The following PDE11A variants were observed in gnomAD, a reference collection of about 807,000 sequenced individuals.
PDE11A encodes the protein phosphodiesterase 11A, also known as dual 3',5'-cyclic-AMP and -GMP phosphodiesterase 11A.
PDE11A carries 100 observed loss-of-function variants against 100.5 expected under a neutral mutation model. That is an observed-to-expected ratio of 1.00 (90% CI 0.85 to 1.18). PDE11A has a LOEUF of 1.18. Among genes scored for constraint, PDE11A ranks in the 50% most tolerant of loss-of-function variants. The probability of loss-of-function intolerance (pLI) is 0.00; values close to 1 mark genes in which losing one functional copy is unlikely to be tolerated. For missense variants in PDE11A, 1,141 were observed against 1,152.6 expected, an observed-to-expected ratio of 0.99 and a Z score of 0.15; for synonymous variants, 381 against 420.8, an observed-to-expected ratio of 0.91 and a Z score of 1.16.
intron 1 of PDE11A, among the ~76,000 whole-genome samples, chr2:178,036,454 A>G (rs2086615442): frequency 6.6e-6 from 1 of 152,222 alleles, no homozygotes; most frequent in Non-Finnish European, 1.5e-5. Flanking sequence ...GCCCAAAGTA[A>G]CGTATAGAGC....
chr2:177,701,144 C>T lies in PDE11A; in HGVS notation c.2221G>A (p.Ala741Thr), dbSNP rs144340688. Residue 741 changes from alanine to threonine, a missense_variant, in exon 14 of 20, where the codon GCC becomes ACC. Coordinates refer to ENST00000286063, the MANE Select transcript of PDE11A (RefSeq NM_016953.4). ...ACCTCACTTTGAAGGATCATCACGG[C>T]GTGGTTGAAATGGTGATGCTCCAAG... Reference protein sequence around the residue: ...ATLEHHHFNHAVMILQSEGHN... With the variant: ...ATLEHHHFNHTVMILQSEGHN... 36 of 1,601,158 alleles carry T rather than the reference C, an allele frequency of 2.2e-5. No individual in the cohort carries two copies. The highest frequency in any genetic ancestry group is 6.7e-5 in the African/African-American group (5 of 74,638).
At chr2:177,681,457 G>T (rs982290784) in intron 15 of PDE11A, among the ~76,000 whole-genome samples, 1 of 152,060 alleles carries the variant, frequency 6.6e-6, no homozygotes, top group South Asian at 2.1e-4. Flanking sequence ...TCAGCAACTC[G>T]CTTTGGAAAG....
At chr2:177,836,946 G>GT (rs1485944621) in intron 6 of PDE11A, among the ~76,000 whole-genome samples, 30 of 152,116 alleles carry the variant, frequency 2.0e-4, no homozygotes, top group African/African-American at 7.2e-4. Flanking sequence ...TTTAAGAACT[G>GT]TAACACTCAC....
chr2:178,087,380 T>C (rs1481392017), intron 2 of PDE11A, among the ~76,000 whole-genome samples: 1 of 151,566 alleles, frequency 6.6e-6, no homozygotes, highest in Non-Finnish European at 1.5e-5. Context: ...AAATGTCGTA[T>C]ATATACACAA....
intron 2 of PDE11A, among the ~76,000 whole-genome samples, chr2:177,934,640 T>C (rs12995165): frequency 0.086 from 13,171 of 152,270 alleles, 544 homozygotes; most frequent in South Asian, 0.1. Flanking sequence ...ATTGGGTATA[T>C]ACCCAAAAGA....
chr2:177,666,164 G>A (rs1460583534), intron 18 of PDE11A, among the ~76,000 whole-genome samples: 1 of 152,114 alleles, frequency 6.6e-6, no homozygotes, highest in Non-Finnish European at 1.5e-5. Context: ...TCATATAAAT[G>A]CAATCTTATG....
At position 177,991,930 on chromosome 2, in the gene PDE11A, G is replaced by C. The variant is rs1029281181; in HGVS notation, c.1071+22372C>G. ...CCTATTCTCAGCTCCAGTCCGACAA[G>C]AGACCCTAATTAAATTTCTAACTGT... On this transcript the variant is annotated intron_variant, in intron 2 of 19. Coordinates refer to ENST00000286063, the MANE Select transcript of PDE11A (RefSeq NM_016953.4). Among the ~76,000 whole-genome samples, 8 of 151,266 alleles carry C rather than the reference G, an allele frequency of 5.3e-5. No homozygotes were observed. In the Admixed American group the frequency reaches 5.3e-4, roughly 10 times the overall value.
intron 2 of PDE11A, among the ~76,000 whole-genome samples, chr2:178,008,137 G>A (rs865816756): frequency 6.6e-6 from 1 of 152,184 alleles, no homozygotes; most frequent in Non-Finnish European, 1.5e-5. Flanking sequence ...TAGCATTTGT[G>A]TATCTTTTAT....
chr2:177,899,116 C>G (rs561146570), intron 3 of PDE11A, among the ~76,000 whole-genome samples: 5 of 152,166 alleles, frequency 3.3e-5, no homozygotes, highest in African/African-American at 1.2e-4. Flanking sequence ...AGGTACAAAC[C>G]CAATATTTTG....
intron 2 of PDE11A, among the ~76,000 whole-genome samples, chr2:178,004,054 T>C (rs958134155): frequency 1.3e-5 from 2 of 152,190 alleles, no homozygotes; most frequent in African/African-American, 4.8e-5. Context: ...ATTTAAAGCA[T>C]GATAAAATAC....
chr2:177,941,422 T>G, intron 2 of PDE11A, among the ~76,000 whole-genome samples: 1 of 152,160 alleles, frequency 6.6e-6, no homozygotes, highest in South Asian at 2.1e-4. Context: ...AGTGTTTGTA[T>G]AGCAGCATGG....
Position 177,706,291 on chromosome 2 carries a change from G to T in PDE11A, c.2154-5080C>A, listed in dbSNP as rs141826271. ...ATGAAAAAAAGGTAGCATATACTTT[G>T]CTGCATAATAATTGGTGCATTTAAA... On this transcript the variant is annotated intron_variant, in intron 13 of 19. Coordinates refer to ENST00000286063, the MANE Select transcript of PDE11A (RefSeq NM_016953.4). 3.2e-3 allele frequency among the ~76,000 whole-genome samples: 482 copies of T among 152,178 alleles called. 1 individual carries two copies. Among genetic ancestry groups the T allele is most frequent in the African/African-American group, 8.5e-3 (354 of 41,508 alleles).
At chr2:177,764,507 G>A (rs1168157692) in intron 10 of PDE11A, among the ~76,000 whole-genome samples, 1 of 152,186 alleles carries the variant, frequency 6.6e-6, no homozygotes, top group Non-Finnish European at 1.5e-5. Flanking sequence ...TGCAATTTAA[G>A]GAAAGTCCAT....
chr2:177,630,966 C>A (rs2079909673), intron 19 of PDE11A, among the ~76,000 whole-genome samples: 2 of 151,982 alleles, frequency 1.3e-5, no homozygotes, highest in African/African-American at 4.8e-5. Flanking sequence ...AAAAATAATA[C>A]CTTTTCTTCC....
chr2:177,804,950 G>A (rs2082847523), intron 9 of PDE11A, among the ~76,000 whole-genome samples: 1 of 151,776 alleles, frequency 6.6e-6, no homozygotes, highest in African/African-American at 2.4e-5. Flanking sequence ...TTGGGAGCGG[G>A]TGAGAATTGA....
intron 1 of PDE11A, among the ~76,000 whole-genome samples, chr2:178,070,224 C>T (rs927029935): frequency 2.6e-5 from 4 of 152,164 alleles, no homozygotes; most frequent in African/African-American, 9.7e-5. Flanking sequence ...ATGAATAATG[C>T]ACTTAGTCTA....
chr2:177,782,313 C>T (rs1230443027), intron 9 of PDE11A, among the ~76,000 whole-genome samples: 1 of 152,172 alleles, frequency 6.6e-6, no homozygotes, highest in Non-Finnish European at 1.5e-5. Context: ...TGTCCCTTCC[C>T]TTTGACTCTA....
chr2:177,946,769 C>G (rs1574300097), intron 2 of PDE11A, among the ~76,000 whole-genome samples: 1 of 102,994 alleles, frequency 9.7e-6, no homozygotes, highest in African/African-American at 3.8e-5. Context: ...CCAGCCGCCC[C>G]GTCTGGGAGG....
At chr2:178,006,550 GA>G (rs551542694) in intron 2 of PDE11A, among the ~76,000 whole-genome samples, 2 of 151,980 alleles carry the variant, frequency 1.3e-5, no homozygotes, top group African/African-American at 2.4e-5. Flanking sequence ...TGCTCCAATA[GA>G]AAAAAAATCC....
Sources: gnomAD v4.1 joint callset for allele counts (sites outside exome capture counted in the v4.1 genomes callset) on GRCh38, gnomAD v4.1.1 for gene constraint, MANE v1.5 for transcripts, NCBI Gene and HGNC (gene_info 2026-07-23, HGNC 2026-07-21) for gene names.